PRIM2: variants seen among roughly 807,000 people sequenced by gnomAD.
PRIM2 encodes the protein DNA primase large subunit.
In PRIM2, 39 loss-of-function variants were observed where a neutral mutation model predicts 67.3. That is an observed-to-expected ratio of 0.58 (90% CI 0.45 to 0.76). PRIM2 has a LOEUF of 0.76. PRIM2 is among the 30% of genes least tolerant of loss of function. The pLI, the probability that PRIM2 is intolerant of heterozygous loss-of-function variation, is 0.00. For missense variants in PRIM2, 398 were observed against 598.7 expected, an observed-to-expected ratio of 0.66 and a Z score of 3.50; for synonymous variants, 143 against 198.7, an observed-to-expected ratio of 0.72 and a Z score of 2.36.
chr6:57,541,940 C>A (rs1359251661), intron 10 of PRIM2, among the ~76,000 whole-genome samples: 1 of 151,460 alleles, frequency 6.6e-6, no homozygotes, highest in African/African-American at 2.4e-5. Context: ...CATCTCATGG[C>A]CCAGTGAAGA....
At chr6:57,301,976 G>T in the PRIM2 span, among the ~76,000 whole-genome samples, 2 of 152,184 alleles carry the variant, frequency 1.3e-5, no homozygotes, top group Admixed American at 1.3e-4. Context: ...CACTTATTCA[G>T]GATAGGCACT....
intron 7 of PRIM2, among the ~76,000 whole-genome samples, chr6:57,475,764 T>C (rs1238009751): frequency 7.2e-5 from 11 of 152,350 alleles, no homozygotes; most frequent in African/African-American, 2.6e-4. Flanking sequence ...CTTTTGCACA[T>C]TTATCACATT....
At chr6:57,381,037 A>G (rs1015955314) in intron 6 of PRIM2, among the ~76,000 whole-genome samples, 5 of 151,730 alleles carry the variant, frequency 3.3e-5, no homozygotes, top group Admixed American at 3.3e-4. Context: ...TCTTCCCTAT[A>G]TTATTGCAGT....
the PRIM2 span, among the ~76,000 whole-genome samples, chr6:57,228,608 GT>G: frequency 6.6e-6 from 1 of 152,198 alleles, no homozygotes; most frequent in African/African-American, 2.4e-5. Flanking sequence ...ACTTTGTGGG[GT>G]ATGGGAGGGC....
At chr6:57,430,757 G>A (rs1771799845) in intron 7 of PRIM2, among the ~76,000 whole-genome samples, 3 of 152,136 alleles carry the variant, frequency 2.0e-5, no homozygotes, top group East Asian at 3.9e-4. Flanking sequence ...CACTGTGCCC[G>A]GGCAGGAGTT....
At chr6:57,337,213 G>T (rs916139737) in intron 5 of PRIM2, among the ~76,000 whole-genome samples, 8 of 151,550 alleles carry the variant, frequency 5.3e-5, no homozygotes, top group African/African-American at 1.5e-4. Context: ...CATAAAGCAA[G>T]TCCTGAGTGA....
chr6:57,550,472 A>G (rs1275487379), intron 10 of PRIM2, among the ~76,000 whole-genome samples: 1 of 152,166 alleles, frequency 6.6e-6, no homozygotes, highest in Non-Finnish European at 1.5e-5. Context: ...TCATTAGAAT[A>G]AAACAGGTGT....
chr6:57,626,912 C>T (rs1423343061), intron 12 of PRIM2, among the ~76,000 whole-genome samples: 2 of 152,002 alleles, frequency 1.3e-5, no homozygotes, highest in African/African-American at 2.4e-5. Context: ...AGGTGTGAGC[C>T]ACCACACCCA....
chr6:57,605,902 A>G (rs1484707558), intron 11 of PRIM2, among the ~76,000 whole-genome samples: 1 of 152,202 alleles, frequency 6.6e-6, no homozygotes, highest in African/African-American at 2.4e-5. Flanking sequence ...AAATAGGCAT[A>G]TAATTTACAT....
At chr6:57,595,791 A>G (rs1370225631) in intron 10 of PRIM2, among the ~76,000 whole-genome samples, 3,724 of 152,242 alleles carry the variant, frequency 0.024, 67 homozygotes, top group Middle Eastern at 0.055. Flanking sequence ...TATCATCTCC[A>G]TGTCTTCAGC....
At chr6:57,410,202 T>A (rs1581877242) in intron 7 of PRIM2, among the ~76,000 whole-genome samples, 1 of 152,002 alleles carries the variant, frequency 6.6e-6, no homozygotes, top group South Asian at 2.1e-4. Context: ...CGGGTACCTG[T>A]AATCCCAGCT....
At chr6:57,429,067 A>C (rs1424808446) in intron 7 of PRIM2, among the ~76,000 whole-genome samples, 1 of 152,182 alleles carries the variant, frequency 6.6e-6, no homozygotes. Flanking sequence ...TCATCACTAT[A>C]ATTTTGCCAT....
At chr6:57,404,745 GT>G (rs1333275765) in intron 7 of PRIM2, among the ~76,000 whole-genome samples, 1 of 148,652 alleles carries the variant, frequency 6.7e-6, no homozygotes, top group East Asian at 2.0e-4. Flanking sequence ...CATAAACCAG[GT>G]TTAAAGTCTA....
intron 10 of PRIM2, among the ~76,000 whole-genome samples, chr6:57,549,397 A>C (rs1176574247): frequency 6.6e-6 from 1 of 152,100 alleles, no homozygotes; most frequent in Non-Finnish European, 1.5e-5. Flanking sequence ...CAAACCCTGA[A>C]CTTCCCCCAG....
intron 7 of PRIM2, among the ~76,000 whole-genome samples, chr6:57,424,406 A>G (rs1300056195): frequency 6.6e-6 from 1 of 152,200 alleles, no homozygotes; most frequent in African/African-American, 2.4e-5. Flanking sequence ...AAGCAACTAG[A>G]TTTTACATAT....
At chr6:57,619,578 C>G (rs1776815338) in intron 12 of PRIM2, among the ~76,000 whole-genome samples, 2 of 152,054 alleles carry the variant, frequency 1.3e-5, no homozygotes, top group African/African-American at 4.8e-5. Flanking sequence ...AAAAACAATA[C>G]AAAATTCAGG....
At chr6:57,529,947 G>A (rs1462367013) in intron 8 of PRIM2, among the ~76,000 whole-genome samples, 1 of 151,946 alleles carries the variant, frequency 6.6e-6, no homozygotes, top group Non-Finnish European at 1.5e-5. Context: ...GTCTTGAGGT[G>A]GTGTAGGGTA....
chr6:57,241,628 T>A, the PRIM2 span, among the ~76,000 whole-genome samples: 1 of 149,850 alleles, frequency 6.7e-6, no homozygotes, highest in African/African-American at 2.5e-5. Context: ...ATTGGGGGGA[T>A]GGGGAGGAGT....
At chr6:57,494,551 C>A (rs1307800311) in intron 7 of PRIM2, among the ~76,000 whole-genome samples, 1 of 152,110 alleles carries the variant, frequency 6.6e-6, no homozygotes, top group East Asian at 1.9e-4. Context: ...TATATTTTTA[C>A]TGGTATTAAT....
Sources: gnomAD v4.1 joint callset for allele counts (sites outside exome capture counted in the v4.1 genomes callset) on GRCh38, gnomAD v4.1.1 for gene constraint, MANE v1.5 for transcripts, NCBI Gene and HGNC (gene_info 2026-07-23, HGNC 2026-07-21) for gene names.